The following DGKE variants were observed in gnomAD, a reference collection of about 807,000 sequenced individuals.
DGKE encodes the protein DAG kinase epsilon.
In DGKE, 53 loss-of-function variants were observed where a neutral mutation model predicts 70.0. The observed-to-expected ratio is 0.76, with a 90% CI of 0.61 to 0.95. The LOEUF (loss-of-function observed/expected upper bound fraction) is 0.95. Among genes scored for constraint, DGKE ranks in the 40% least tolerant of loss-of-function variants. The pLI is 0.00. For synonymous variants in DGKE, 291 were observed against 257.0 expected, an observed-to-expected ratio of 1.13 and a Z score of -1.27; for missense variants, 655 against 706.9, an observed-to-expected ratio of 0.93 and a Z score of 0.83.
At position 56,863,020 on chromosome 17, in the gene DGKE, A is replaced by G. The variant is rs56849465; in HGVS notation, c.*229A>G. On this transcript the variant is annotated 3_prime_UTR_variant, in exon 12 of 12. Transcript: ENST00000284061. ...CTTCAAATGAATAGTATTAACTTAC[A>G]AAAAGTCACAAAAACTTACATGAGA... 3,901 of 375,310 alleles carry G rather than the reference A, an allele frequency of 0.01. 143 individuals carry two copies. Among genetic ancestry groups the G allele is most frequent in the African/African-American group, 0.074 (3,549 of 47,800 alleles). 23.2% of individuals were successfully genotyped at this position (375,310 alleles called of 1,614,324 possible). A position where few individuals can be genotyped will look rare whatever the true frequency, so the allele number is the denominator to read the frequency against.
chr17:56,867,602 CAA>C lies in DGKE; in HGVS notation c.*4821_*4822del, dbSNP rs1159437356. 8.1e-5 allele frequency: 11 copies of C among 136,208 alleles called. No individual in the cohort carries two copies. The highest frequency in any genetic ancestry group is 1.6e-4 in the African/African-American group (6 of 36,734). 8.4% of individuals were successfully genotyped at this position (136,208 alleles called of 1,614,324 possible). ...TGGGCAACAGAGCAAGACTCCATCTCAAAAAAAAAAAGGCCGGGCGTGGTGGC... is the reference window on the plus strand; with the variant it reads ...TGGGCAACAGAGCAAGACTCCATCTCAAAAAAAAAGGCCGGGCGTGGTGGC... On this transcript the variant is annotated 3_prime_UTR_variant, in exon 12 of 12. Transcript: ENST00000284061.
At position 56,842,520 on chromosome 17, in the gene DGKE, A is replaced by G. The variant is rs534773490; in HGVS notation, c.465-1499A>G. 1.7e-3 allele frequency among the ~76,000 whole-genome samples: 259 copies of G among 152,324 alleles called. 1 individual carries two copies. Among genetic ancestry groups the G allele is most frequent in the African/African-American group, 6.0e-3 (249 of 41,576 alleles). On this transcript the variant is annotated intron_variant, in intron 2 of 11. Transcript: ENST00000284061. The stretch of plus-strand genomic sequence containing the variant: ...TATACTTCAGCCACATAACCAGTCT[A>G]TTATAGTTTCTCAAGTTGAGTTTAA...
chr17:56,858,671 C>G lies in DGKE; in HGVS notation c.1284+6C>G, dbSNP rs1227363337. The G allele has an allele frequency of 6.3e-7, 1 of 1,578,854 alleles. No homozygotes were observed. The highest frequency in any genetic ancestry group is 8.6e-7 in the Non-Finnish European group (1 of 1,162,052). ...ATTTGAATAAAAAAGTTGAGGTAAG[C>G]TATTAACACTTTTTATTTTTTAAAG... On this transcript the variant is annotated splice_donor_region_variant and intron_variant, in intron 9 of 11. Transcript: ENST00000284061.
chr17:56,839,852 G>A (rs1348481933), intron 2 of DGKE, among the ~76,000 whole-genome samples: 1 of 151,954 alleles, frequency 6.6e-6, no homozygotes, highest in Non-Finnish European at 1.5e-5. Context: ...CCTTTATAGA[G>A]CAAAGGCTCA....
chr17:56,843,817 G>C (rs997032708), intron 2 of DGKE, among the ~76,000 whole-genome samples: 7 of 79,428 alleles, frequency 8.8e-5, no homozygotes, highest in African/African-American at 2.9e-4. Flanking sequence ...AAAAAAAAGT[G>C]CTGTTAGATT....
chr17:56,864,349 T>C lies in DGKE; in HGVS notation c.*1558T>C, dbSNP rs1053588879. 6.6e-6 allele frequency: 1 copy of C among 152,232 alleles called. No homozygotes were observed. Among genetic ancestry groups the C allele is most frequent in the African/African-American group, 2.4e-5 (1 of 41,452 alleles). 9.4% of individuals were successfully genotyped at this position (152,232 alleles called of 1,614,324 possible). On this transcript the variant is annotated 3_prime_UTR_variant, in exon 12 of 12. Coordinates refer to ENST00000284061, the MANE Select transcript of DGKE (RefSeq NM_003647.3). ...CTATTATGAATCTGTCATCCATGAA[T>C]TGCCATAAACCTAAGTTTGCCTCAC...
At chr17:56,860,886 CAG>C (rs1448310035) in intron 9 of DGKE, among the ~76,000 whole-genome samples, 1 of 152,138 alleles carries the variant, frequency 6.6e-6, no homozygotes, top group Non-Finnish European at 1.5e-5. Context: ...AGTCAAATCA[CAG>C]AGTGTCATAT....
rs1290159508 is a variant in DGKE, at chr17:56,867,230, C to T, written c.*4439C>T. 6.6e-6 allele frequency: 1 copy of T among 152,152 alleles called. No homozygotes were observed. The highest frequency in any genetic ancestry group is 2.4e-5 in the African/African-American group (1 of 41,404). The allele number at this position is 152,152 out of a possible 1,614,324, so 9.4% of individuals were successfully genotyped here. A position where few individuals can be genotyped will look rare whatever the true frequency, so the allele number is the denominator to read the frequency against. On this transcript the variant is annotated 3_prime_UTR_variant, in exon 12 of 12. Coordinates refer to ENST00000284061, the MANE Select transcript of DGKE (RefSeq NM_003647.3). ...TCCTCTAATACAGACGTTTATAAAA[C>T]TTAAATGAAATGATTGGGCTTAACC...
intron 4 of DGKE, 37 bp downstream of exon 4, chr17:56,845,846 C>A (rs750703496): frequency 1.3e-6 from 2 of 1,546,338 alleles, no homozygotes; most frequent in Middle Eastern, 2.0e-4. Context: ...TTAATGTTTT[C>A]ATTTTCCCCA....
chr17:56,849,044 T>C lies in DGKE; in HGVS notation c.1047-137T>C, dbSNP rs572540603. ...AGTAATAAGTTACACTGAGTACTTA[T>C]CCCTAAATTTGCATGCTCATATACG... On this transcript the variant is annotated intron_variant, in intron 6 of 11. Transcript: ENST00000284061. 23 of 1,162,338 alleles carry C rather than the reference T, an allele frequency of 2.0e-5. No homozygotes were observed. The South Asian group carries it at 2.8e-4, about 14-fold the overall frequency. The allele number at this position is 1,162,338 out of a possible 1,614,324, so 72.0% of individuals were successfully genotyped here.
rs757336402 is a variant in DGKE at position 56,848,853 on chromosome 17, G to T, written c.1046G>T (p.Arg349Leu). 4.3e-6 allele frequency: 7 copies of T among 1,614,026 alleles called. No individual in the cohort carries two copies. The Admixed American group carries it at 1.2e-4, about 27-fold the overall frequency. ...GAAGCAGATGGAATTAAACTAGATCGGTAAGTTACGTTTCCCCAAAAAGTA... is the reference window on the plus strand; with the variant it reads ...GAAGCAGATGGAATTAAACTAGATCTGTAAGTTACGTTTCCCCAAAAAGTA... ...VMEADGIKLD[R>L]WKVQVTNKGY... Residue 349 changes from arginine to leucine, a missense_variant and splice_region_variant, in exon 6 of 12, where the codon CGA becomes CTA. Coordinates refer to ENST00000284061, the MANE Select transcript of DGKE (RefSeq NM_003647.3).
chr17:56,862,821 A>G lies in DGKE; in HGVS notation c.*30A>G. On this transcript the variant is annotated 3_prime_UTR_variant, in exon 12 of 12. Transcript: ENST00000284061. ...ATGAGGGAGTGAAAACTTTGCATAG[A>G]ATCCTCACGCAAGTAGATACATGTT... is the stretch of plus-strand genomic sequence containing the variant. 6.7e-7 allele frequency: 1 copy of G among 1,483,970 alleles called. No individual in the cohort carries two copies. Among genetic ancestry groups the G allele is most frequent in the East Asian group, 2.5e-5 (1 of 40,760 alleles). The allele number at this position is 1,483,970 out of a possible 1,614,324, so 91.9% of individuals were successfully genotyped here.
chr17:56,865,015 A>G lies in DGKE; in HGVS notation c.*2224A>G, dbSNP rs1385742250. 1.3e-5 allele frequency: 2 copies of G among 152,068 alleles called. No homozygotes were observed. 9.4% of individuals were successfully genotyped at this position (152,068 alleles called of 1,614,324 possible). ...TCTGCTGGCTTATTCACTTATTTAGACTTCATTTAGGGAAGCTATTTCAGA... is the reference window on the plus strand; with the variant it reads ...TCTGCTGGCTTATTCACTTATTTAGGCTTCATTTAGGGAAGCTATTTCAGA... On this transcript the variant is annotated 3_prime_UTR_variant, in exon 12 of 12. Coordinates refer to ENST00000284061, the MANE Select transcript of DGKE (RefSeq NM_003647.3).
Position 56,862,608 on chromosome 17 carries a change from T to TA in DGKE, c.1525-4_1525-3insA. ...TTTAAACATTATTTGTTCCCTAATA[T>TA]CAGCTGATTTTGAAGTGCTCCATGA... On this transcript the variant is annotated splice_polypyrimidine_tract_variant and splice_region_variant and intron_variant, in intron 11 of 11. Coordinates refer to ENST00000284061, the MANE Select transcript of DGKE (RefSeq NM_003647.3). The TA allele has an allele frequency of 6.5e-7, 1 of 1,529,660 alleles. No homozygotes were observed. Among genetic ancestry groups the TA allele is most frequent in the African/African-American group, 1.4e-5 (1 of 71,466 alleles). 94.8% of individuals were successfully genotyped at this position (1,529,660 alleles called of 1,614,324 possible).
At chr17:56,841,506 C>G (rs1906979473) in intron 2 of DGKE, among the ~76,000 whole-genome samples, 1 of 152,090 alleles carries the variant, frequency 6.6e-6, no homozygotes, top group Non-Finnish European at 1.5e-5. Context: ...GGCTGAAAAA[C>G]TCAGTTTTAC....
intron 2 of DGKE, chr17:56,835,460 C>G: frequency 1.7e-6 from 1 of 599,958 alleles, no homozygotes; most frequent in Non-Finnish European, 2.8e-6. Context: ...CATCCAGCCT[C>G]CACTCCTCAG....
chr17:56,863,456 T>A lies in DGKE; in HGVS notation c.*665T>A, dbSNP rs1323507087. ...TTGAGCTGCAATTCAGGATCTTTTT[T>A]ATAACACCAGTGTAGCCAAAAGAGA... On this transcript the variant is annotated 3_prime_UTR_variant, in exon 12 of 12. Coordinates refer to ENST00000284061, the MANE Select transcript of DGKE (RefSeq NM_003647.3). 6.6e-6 allele frequency: 1 copy of A among 152,260 alleles called. No individual in the cohort carries two copies. The highest frequency in any genetic ancestry group is 1.5e-5 in the Non-Finnish European group (1 of 68,040). The allele number at this position is 152,260 out of a possible 1,614,324, so 9.4% of individuals were successfully genotyped here.
Position 56,835,166 on chromosome 17 carries a change from C to G in DGKE, c.371C>G (p.Pro124Arg). The stretch of plus-strand genomic sequence containing the variant: ...GACACCAAGGTCCTGGACGCCATGC[C>G]CCACCACTGGATCCGGGGCAACGTG... ...KNDTKVLDAM[P>R]HHWIRGNVPL... The change falls in exon 2 of 12, where the codon CCC becomes CGC. Residue 124 changes from proline (P) to arginine (R), a missense_variant. Coordinates refer to ENST00000284061, the MANE Select transcript of DGKE (RefSeq NM_003647.3). The G allele has an allele frequency of 6.2e-7, 1 of 1,614,098 alleles. No homozygotes were observed. Among genetic ancestry groups the G allele is most frequent in the Non-Finnish European group, 8.5e-7 (1 of 1,180,044 alleles).
At chr17:56,839,345 C>CA (rs1212738149) in intron 2 of DGKE, among the ~76,000 whole-genome samples, 1 of 152,114 alleles carries the variant, frequency 6.6e-6, no homozygotes, top group African/African-American at 2.4e-5. Flanking sequence ...TACCCAATGA[C>CA]ATGATGCTAA....
Sources: gnomAD v4.1 joint callset for allele counts (sites outside exome capture counted in the v4.1 genomes callset) on GRCh38, gnomAD v4.1.1 for gene constraint, MANE v1.5 for transcripts, NCBI Gene and HGNC (gene_info 2026-07-23, HGNC 2026-07-21) for gene names.